The following TTC28 variants were observed in gnomAD, a reference collection of about 807,000 sequenced individuals.
TTC28 encodes the protein tetratricopeptide repeat domain 28.
TTC28 carries 61 observed loss-of-function variants against 198.0 expected under a neutral mutation model. The ratio of observed to expected loss-of-function variants is 0.31; its 90% confidence interval spans 0.25 to 0.38. TTC28 has a LOEUF of 0.38. Ranked by LOEUF, TTC28 falls within the 10% of genes least tolerant of loss-of-function variation. The probability of loss-of-function intolerance (pLI) is 1.00; values close to 1 mark genes in which losing one functional copy is unlikely to be tolerated. For synonymous variants in TTC28, 1,171 were observed against 1,297.8 expected (o/e 0.90, Z 2.10); for missense variants, 2,678 against 3,164.0 (o/e 0.85, Z 3.69).
chr22:28,189,110 G>A (rs558724763), intron 5 of TTC28, among the ~76,000 whole-genome samples: 1 of 152,280 alleles, frequency 6.6e-6, no homozygotes, highest in South Asian at 2.1e-4. Context: ...CACTTTGGGA[G>A]GCTGAGGTGG....
chr22:28,203,060 AAAT>A (rs1351869034), intron 5 of TTC28, among the ~76,000 whole-genome samples: 2 of 152,176 alleles, frequency 1.3e-5, no homozygotes, highest in South Asian at 2.1e-4. Context: ...AATTTTATAT[AAAT>A]AATAACATAC....
At chr22:28,406,786 G>A (rs2047003587) in intron 2 of TTC28, among the ~76,000 whole-genome samples, 1 of 152,182 alleles carries the variant, frequency 6.6e-6, no homozygotes, top group Non-Finnish European at 1.5e-5. Flanking sequence ...CCTCCTCTTA[G>A]ACAAGAATCA....
chr22:28,449,002 CAAAAG>C (rs968092717), intron 2 of TTC28, among the ~76,000 whole-genome samples: 3 of 152,128 alleles, frequency 2.0e-5, no homozygotes, highest in African/African-American at 7.2e-5. Context: ...TGGTGGAGGT[CAAAAG>C]AGAAGACAGG....
chr22:28,121,794 G>A (rs75640101), intron 6 of TTC28, among the ~76,000 whole-genome samples: 1,979 of 152,320 alleles, frequency 0.013, 19 homozygotes, highest in Non-Finnish European at 0.021. Context: ...GGTTAGTCAA[G>A]TGACACTACT....
intron 2 of TTC28, among the ~76,000 whole-genome samples, chr22:28,472,636 G>A (rs1197564126): frequency 6.7e-6 from 1 of 149,314 alleles, no homozygotes; most frequent in Non-Finnish European, 1.5e-5. Context: ...CGTAAAATAA[G>A]AACAGGTTAC....
chr22:27,986,422 T>C (rs959791514), intron 21 of TTC28: 1 of 152,228 alleles, frequency 6.6e-6, no homozygotes, highest in Non-Finnish European at 1.5e-5. Context: ...TTTATACCAA[T>C]GTAAGAACAG....
chr22:28,152,656 CTT>C (rs1943637712), intron 6 of TTC28, among the ~76,000 whole-genome samples: 1 of 152,160 alleles, frequency 6.6e-6, no homozygotes. Context: ...TCTCACAGAC[CTT>C]TTGACATATT....
chr22:28,102,416 A>G (rs1013366512), intron 8 of TTC28, among the ~76,000 whole-genome samples: 15 of 152,212 alleles, frequency 9.9e-5, no homozygotes, highest in African/African-American at 3.4e-4. Context: ...TGGGTCACTT[A>G]CCCACAGCAA....
At chr22:28,562,168 T>C (rs779715365) in intron 2 of TTC28, among the ~76,000 whole-genome samples, 3 of 151,988 alleles carry the variant, frequency 2.0e-5, no homozygotes, top group Non-Finnish European at 2.9e-5. Context: ...AGGAAAAAAA[T>C]TGCATGGAAA....
At chr22:28,176,861 G>C (rs1043858453) in intron 5 of TTC28, among the ~76,000 whole-genome samples, 3 of 152,104 alleles carry the variant, frequency 2.0e-5, no homozygotes, top group African/African-American at 7.2e-5. Flanking sequence ...ACAAAAAAAT[G>C]AATATAGACA....
At chr22:28,187,111 G>GTTTATGTGGCTGTAATATAAGAAAAA (rs1254729257) in intron 5 of TTC28, among the ~76,000 whole-genome samples, 1 of 152,126 alleles carries the variant, frequency 6.6e-6, no homozygotes, top group Non-Finnish European at 1.5e-5. Flanking sequence ...TTCTGTAGTT[G>GTTTATGTGGCTGTAATATAAGAAAAA]TTTATGTGGC....
chr22:28,470,106 A>G (rs1323034532), intron 2 of TTC28, among the ~76,000 whole-genome samples: 2 of 152,184 alleles, frequency 1.3e-5, no homozygotes, highest in Non-Finnish European at 2.9e-5. Flanking sequence ...CGACCTCTCA[A>G]AGCACTGGGA....
At chr22:28,337,293 G>A (rs1402302001) in intron 2 of TTC28, among the ~76,000 whole-genome samples, 3 of 152,136 alleles carry the variant, frequency 2.0e-5, no homozygotes, top group African/African-American at 4.8e-5. Context: ...GTGTGGTGTG[G>A]TGCTGAAAAG....
intron 2 of TTC28, among the ~76,000 whole-genome samples, chr22:28,537,647 T>A (rs1257268768): frequency 6.6e-6 from 1 of 152,170 alleles, no homozygotes; most frequent in Non-Finnish European, 1.5e-5. Flanking sequence ...TGTACATGTT[T>A]ACAAAAATAG....
intron 5 of TTC28, among the ~76,000 whole-genome samples, chr22:28,186,068 T>C (rs1172555849): frequency 6.6e-6 from 1 of 151,904 alleles, no homozygotes; most frequent in Non-Finnish European, 1.5e-5. Flanking sequence ...GTTTCTAATT[T>C]GCAATTTTTT....
chr22:28,384,658 C>A (rs1311489143), intron 2 of TTC28, among the ~76,000 whole-genome samples: 7 of 152,154 alleles, frequency 4.6e-5, no homozygotes, highest in Non-Finnish European at 1.0e-4. Context: ...GCCTTGTGAC[C>A]CACATCCCAT....
At chr22:28,528,624 T>A (rs1256893993) in intron 2 of TTC28, among the ~76,000 whole-genome samples, 1 of 149,610 alleles carries the variant, frequency 6.7e-6, no homozygotes, top group Non-Finnish European at 1.5e-5. Context: ...TAGTCCGAGC[T>A]ACTCGGGAGG....
rs1011324468 is a variant in TTC28, at chr22:27,982,003, G to A, written c.*218C>T. 1 of 470,174 alleles carries A rather than the reference G, an allele frequency of 2.1e-6. No individual in the cohort carries two copies. The highest frequency in any genetic ancestry group is 3.7e-6 in the Non-Finnish European group (1 of 270,386). 29.1% of individuals were successfully genotyped at this position (470,174 alleles called of 1,614,324 possible). On this transcript the variant is annotated 3_prime_UTR_variant, in exon 23 of 23. Transcript: ENST00000397906. The surrounding 1 kb of genome is among the most constrained non-coding windows in gnomAD (Gnocchi z 5.2). ...GTGTAGGAAATTCCATGAGCCTCCTGTACCAGCCCCACAGAAGTCCTGGCT... is the reference window on the plus strand; with the variant it reads ...GTGTAGGAAATTCCATGAGCCTCCTATACCAGCCCCACAGAAGTCCTGGCT...
chr22:28,645,799 G>A (rs567697342), intron 1 of TTC28, among the ~76,000 whole-genome samples: 36 of 152,068 alleles, frequency 2.4e-4, no homozygotes, highest in Admixed American at 3.9e-4. Flanking sequence ...AATAAAATGC[G>A]GCATCCTTTT....
Sources: allele counts gnomAD v4.1 joint callset (sites outside exome capture counted in the v4.1 genomes callset), GRCh38; gene constraint gnomAD v4.1.1; non-coding constraint Gnocchi (gnomAD v3.1); transcripts MANE v1.5; gene names NCBI Gene and HGNC (gene_info 2026-07-23, HGNC 2026-07-21).